Variants in NRXN3 observed in about 807,000 individuals in gnomAD.
NRXN3 encodes the protein neurexin 3, also known as neurexin III.
In NRXN3, 32 loss-of-function variants were observed where a neutral mutation model predicts 137.6. That is an observed-to-expected ratio of 0.23 (90% confidence interval 0.18 to 0.31). The LOEUF (loss-of-function observed/expected upper bound fraction) is 0.31. Among genes scored for constraint, NRXN3 ranks in the 10% least tolerant of loss-of-function variants. The probability of loss-of-function intolerance (pLI) is 1.00; values close to 1 mark genes in which losing one functional copy is unlikely to be tolerated. For synonymous variants in NRXN3, 798 were observed against 784.5 expected (o/e 1.02, Z -0.29); for missense variants, 1,574 against 2,062.5 (o/e 0.76, Z 4.59).
At chr14:79,264,973 T>C (rs150999101) in intron 15 of NRXN3, among the ~76,000 whole-genome samples, 42 of 152,252 alleles carry the variant, frequency 2.8e-4, no homozygotes, top group African/African-American at 9.9e-4. Flanking sequence ...AGTATATATG[T>C]GTGTGTATAT....
At chr14:79,168,792 C>T (rs2061513917) in intron 15 of NRXN3, among the ~76,000 whole-genome samples, 1 of 151,334 alleles carries the variant, frequency 6.6e-6, no homozygotes, top group Admixed American at 6.6e-5. Flanking sequence ...ACAAAAATCA[C>T]CACTTATGTT....
intron 10 of NRXN3, among the ~76,000 whole-genome samples, chr14:78,912,893 T>C (rs1466267506): frequency 2.0e-5 from 3 of 152,212 alleles, no homozygotes; most frequent in Non-Finnish European, 4.4e-5. Context: ...CATATCTATA[T>C]ATAAGTGAGA....
At chr14:79,418,240 G>T (rs1040747976) in intron 15 of NRXN3, among the ~76,000 whole-genome samples, 3 of 152,158 alleles carry the variant, frequency 2.0e-5, no homozygotes, top group Non-Finnish European at 4.4e-5. Context: ...AGTTAGAGGG[G>T]TGCTGACCTT....
chr14:78,253,793 T>A (rs1023596406), intron 2 of NRXN3, among the ~76,000 whole-genome samples: 3 of 149,748 alleles, frequency 2.0e-5, no homozygotes, highest in Non-Finnish European at 4.4e-5. Flanking sequence ...AGCCTCCCCG[T>A]GCCCCGCCCC....
At chr14:78,798,589 C>A (rs2098829366) in intron 8 of NRXN3, among the ~76,000 whole-genome samples, 1 of 152,192 alleles carries the variant, frequency 6.6e-6, no homozygotes, top group Admixed American at 6.5e-5. Context: ...TCTCACGGCT[C>A]CACTAGGCAG....
At chr14:79,038,621 G>GT (rs2099620111) in intron 15 of NRXN3, among the ~76,000 whole-genome samples, 3 of 152,024 alleles carry the variant, frequency 2.0e-5, no homozygotes, top group Admixed American at 2.0e-4. Context: ...CTAGGTAATT[G>GT]TTGACTGCTT....
At chr14:79,010,235 A>T (rs1022001333) in intron 15 of NRXN3, among the ~76,000 whole-genome samples, 5 of 152,212 alleles carry the variant, frequency 3.3e-5, no homozygotes, top group Non-Finnish European at 7.3e-5. Flanking sequence ...AATGAAATTC[A>T]GGAAGCACAT....
chr14:78,604,298 A>G (rs563317954), intron 4 of NRXN3, among the ~76,000 whole-genome samples: 1,793 of 118,436 alleles, frequency 0.015, 9 homozygotes, highest in South Asian at 0.029. Flanking sequence ...TCTCTTGGTC[A>G]TTTGTTTTTT....
At chr14:78,198,831 A>G (rs969242646) in intron 1 of NRXN3, among the ~76,000 whole-genome samples, 11 of 152,224 alleles carry the variant, frequency 7.2e-5, no homozygotes, top group Admixed American at 7.2e-4. Flanking sequence ...TCCAGAGAGC[A>G]TTCAGTCAAA....
intron 14 of NRXN3, among the ~76,000 whole-genome samples, chr14:78,978,601 TATATTCA>T (rs1456512805): frequency 6.6e-6 from 1 of 151,528 alleles, no homozygotes; most frequent in Non-Finnish European, 1.5e-5. Context: ...GTCCAAGACA[TATATTCA>T]GCTAAGTAAA....
At chr14:78,386,061 CA>C (rs5809884) in intron 4 of NRXN3, among the ~76,000 whole-genome samples, 7 of 151,688 alleles carry the variant, frequency 4.6e-5, no homozygotes, top group African/African-American at 1.7e-4. Context: ...AACAAAAGAG[CA>C]AAAAAAGTCC....
chr14:78,891,460 G>A (rs542581713), intron 10 of NRXN3, among the ~76,000 whole-genome samples: 2 of 151,974 alleles, frequency 1.3e-5, no homozygotes, highest in South Asian at 4.2e-4. Flanking sequence ...TTAGGTGTGA[G>A]TAACGTCTAC....
intron 8 of NRXN3, among the ~76,000 whole-genome samples, chr14:78,738,296 T>C (rs1222021101): frequency 6.6e-6 from 1 of 152,202 alleles, no homozygotes; most frequent in Non-Finnish European, 1.5e-5. Context: ...GCCAGCAGTT[T>C]AGTGGAAAAG....
intron 16 of NRXN3, among the ~76,000 whole-genome samples, chr14:79,560,260 T>C (rs1291146675): frequency 2.0e-5 from 3 of 152,080 alleles, no homozygotes; most frequent in Admixed American, 6.6e-5. Flanking sequence ...TCCTCTGGCC[T>C]GGTTCGTCAA....
In NRXN3 at chr14:78,653,953, C is replaced by T. The variant is rs538801501; in HGVS notation, c.1221+2627C>T. On this transcript the variant is annotated intron_variant, in intron 6 of 20. Coordinates refer to ENST00000335750, the MANE Select transcript of NRXN3 (RefSeq NM_001330195.2). ...GAAAAAGGAAAGTTCAAAACACTAA[C>T]GGAAATGATAGGCAAAGCTAGAACT... 1.6e-4 allele frequency among the ~76,000 whole-genome samples: 24 copies of T among 152,254 alleles called. No homozygotes were observed. In the South Asian group the frequency reaches 3.7e-3, roughly 24 times the overall value.
chr14:79,360,638 G>A (rs12889183), intron 15 of NRXN3, among the ~76,000 whole-genome samples: 58,045 of 152,012 alleles, frequency 0.38, 12,369 homozygotes, highest in Admixed American at 0.49. Context: ...AATAGCTCAT[G>A]GAGTTTTTAT....
At chr14:79,694,824 C>T (rs1001314283) in intron 18 of NRXN3, among the ~76,000 whole-genome samples, 1 of 151,936 alleles carries the variant, frequency 6.6e-6, no homozygotes, top group Non-Finnish European at 1.5e-5. Context: ...CCATTAACCA[C>T]CTAATCCAAG....
chr14:79,215,445 C>T (rs970509422), intron 15 of NRXN3, among the ~76,000 whole-genome samples: 29 of 152,060 alleles, frequency 1.9e-4, no homozygotes, highest in Admixed American at 1.3e-4. Flanking sequence ...GCTGATACAA[C>T]TGAGACTGGG....
At chr14:79,128,266 G>A in intron 15 of NRXN3, among the ~76,000 whole-genome samples, 4 of 119,746 alleles carry the variant, frequency 3.3e-5, no homozygotes, top group South Asian at 3.1e-4. Flanking sequence ...GTTTTCAAAG[G>A]GAATGCTTCC....
Sources: allele counts gnomAD v4.1 joint callset (sites outside exome capture counted in the v4.1 genomes callset), GRCh38; gene constraint gnomAD v4.1.1; transcripts MANE v1.5; gene names NCBI Gene and HGNC (gene_info 2026-07-23, HGNC 2026-07-21).